Variants in MIER1 observed in about 807,000 individuals in gnomAD.
MIER1 encodes mesoderm induction early response protein 1.
A neutral mutation model predicts 75.7 loss-of-function variants in MIER1; 40 were observed. The ratio of observed to expected loss-of-function variants is 0.53; its 90% CI spans 0.41 to 0.69. MIER1 has a LOEUF of 0.69. MIER1 is among the 30% of genes least tolerant of loss of function. The pLI is 0.00. For synonymous variants in MIER1, 213 were observed against 223.4 expected (o/e 0.95, Z 0.42); for missense variants, 574 against 680.2 (o/e 0.84, Z 1.74).
In MIER1 at chr1:66,986,059, G is replaced by A. The variant is rs760176189; in HGVS notation, c.*1159G>A. The A allele has an allele frequency of 1.5e-3, 1,476 of 1,015,698 alleles. 1 individual carries two copies. Among genetic ancestry groups the A allele is most frequent in the Non-Finnish European group, 1.7e-3 (1,435 of 850,268 alleles). 62.9% of individuals were successfully genotyped at this position (1,015,698 alleles called of 1,614,324 possible). A position where few individuals can be genotyped will look rare whatever the true frequency, so the allele number is the denominator to read the frequency against. ...TTTCTGCATTAAATAAACAGAGGAG[G>A]GGGGTCAAGTGATACTTAGATATTG... On this transcript the variant is annotated 3_prime_UTR_variant, in exon 14 of 14. Transcript: ENST00000401041.
intron 2 of MIER1, chr1:66,930,171 G>A (rs1318327386): frequency 7.0e-6 from 9 of 1,289,970 alleles, no homozygotes; most frequent in Non-Finnish European, 8.9e-6. Flanking sequence ...GTGCTCGCTG[G>A]TCTTTTCCCT....
chr1:66,986,684 C>A lies in MIER1; in HGVS notation c.*1784C>A. ...ACTTGACTTCATCTTAATGTACATT[C>A]ACTGTTGTTACATACATATCTAAGT... On this transcript the variant is annotated 3_prime_UTR_variant, in exon 14 of 14. Coordinates refer to ENST00000401041, the MANE Select transcript of MIER1 (RefSeq NM_001077700.3). 1 of 494,472 alleles carries A rather than the reference C, an allele frequency of 2.0e-6. No homozygotes were observed. Among genetic ancestry groups the A allele is most frequent in the Non-Finnish European group, 3.6e-6 (1 of 278,130 alleles). 30.6% of individuals were successfully genotyped at this position (494,472 alleles called of 1,614,324 possible).
chr1:66,948,115 G>C, intron 4 of MIER1: 1 of 916,520 alleles, frequency 1.1e-6, no homozygotes, highest in Non-Finnish European at 1.3e-6. Context: ...GTTTTGAGAA[G>C]ATGAAATAAA....
intron 7 of MIER1, among the ~76,000 whole-genome samples, chr1:66,961,917 T>C (rs1345692110): frequency 2.0e-5 from 3 of 152,268 alleles, no homozygotes; most frequent in Admixed American, 2.0e-4. Flanking sequence ...GAAATAACTT[T>C]ATTACATAAA....
At chr1:66,959,798 G>A (rs1030604556) in intron 7 of MIER1, 55 bp downstream of exon 7, 25 of 839,014 alleles carry the variant, frequency 3.0e-5, no homozygotes, top group Non-Finnish European at 4.3e-5. Flanking sequence ...TTTTTAAAAA[G>A]CCTCGTGTAA....
At position 66,978,571 on chromosome 1, in the gene MIER1, C is replaced by G. The variant is rs935917466; in HGVS notation, c.1229+1849C>G. On this transcript the variant is annotated intron_variant, in intron 12 of 13. Transcript: ENST00000401041. ...AATAATATAGAATTAGATACAGCAT[C>G]TAGTCTGCAGATATATCTTAAAATA... Among the ~76,000 whole-genome samples the G allele has an allele frequency of 2.0e-5, 3 of 152,090 alleles. No individual in the cohort carries two copies. The East Asian group carries it at 5.8e-4, about 29-fold the overall frequency.
intron 2 of MIER1, among the ~76,000 whole-genome samples, chr1:66,930,793 C>T (rs894843075): frequency 1.3e-5 from 2 of 152,170 alleles, no homozygotes; most frequent in Non-Finnish European, 1.5e-5. Flanking sequence ...CTGTTGCGCC[C>T]TTCCGCGTCA....
chr1:66,961,181 T>C (rs996084917), intron 7 of MIER1, among the ~76,000 whole-genome samples: 15 of 152,324 alleles, frequency 9.8e-5, no homozygotes, highest in Non-Finnish European at 2.1e-4. Flanking sequence ...GATTTTGTTG[T>C]TTTAAATAAT....
At chr1:66,973,454 T>C in intron 11 of MIER1, among the ~76,000 whole-genome samples, 1 of 152,080 alleles carries the variant, frequency 6.6e-6, no homozygotes, top group East Asian at 1.9e-4. Context: ...TTAGTCAACA[T>C]TTAATTTTCT....
intron 13 of MIER1, among the ~76,000 whole-genome samples, chr1:66,984,017 C>T (rs1346817324): frequency 6.6e-6 from 1 of 152,232 alleles, no homozygotes; most frequent in East Asian, 1.9e-4. Context: ...AGCCACTGCA[C>T]CCAGCCTTGT....
chr1:66,927,065 T>G (rs914836723), intron 2 of MIER1, among the ~76,000 whole-genome samples: 1 of 152,204 alleles, frequency 6.6e-6, no homozygotes, highest in Non-Finnish European at 1.5e-5. Flanking sequence ...TGCTCCTAAA[T>G]GCTTTTGTTA....
intron 4 of MIER1, among the ~76,000 whole-genome samples, chr1:66,954,995 C>T (rs3008872): frequency 0.08 from 12,239 of 152,240 alleles, 648 homozygotes; most frequent in African/African-American, 0.15. Context: ...AGGCGTGAGC[C>T]ACTGCGCTTG....
intron 2 of MIER1, chr1:66,930,161 G>T (rs1652762725): frequency 8.0e-7 from 1 of 1,247,416 alleles, no homozygotes; most frequent in South Asian, 2.6e-5. Context: ...GCTCCGGCGC[G>T]TGCTCGCTGG....
Position 66,970,966 on chromosome 1 carries a change from GA to G in MIER1, c.924+10del, listed in dbSNP as rs764200487. 1.3e-5 allele frequency: 20 copies of G among 1,569,970 alleles called. No homozygotes were observed. Among genetic ancestry groups the G allele is most frequent in the Non-Finnish European group, 1.7e-5 (20 of 1,167,024 alleles). On this transcript the variant is annotated splice_region_variant and intron_variant, in intron 9 of 13. Transcript: ENST00000401041. The stretch of plus-strand genomic sequence containing the variant: ...CATAAAAGACAATGAACAGGTCTGT[GA>G]AAGAAACAACTGTTAGAACTTTGCC...
At chr1:66,953,596 C>CTTTTTT (rs56012776) in intron 4 of MIER1, among the ~76,000 whole-genome samples, 4 of 134,672 alleles carry the variant, frequency 3.0e-5, no homozygotes, top group African/African-American at 1.1e-4. Flanking sequence ...TTTTCTTTTC[C>CTTTTTT]TTTTTTTTTT....
chr1:66,974,834 A>T (rs944858805), intron 11 of MIER1, among the ~76,000 whole-genome samples: 2 of 152,176 alleles, frequency 1.3e-5, no homozygotes, highest in African/African-American at 4.8e-5. Flanking sequence ...TAAAGTTCAG[A>T]TCTTAATCAT....
chr1:66,969,389 C>A (rs1475553569), intron 8 of MIER1, among the ~76,000 whole-genome samples: 2 of 151,464 alleles, frequency 1.3e-5, no homozygotes, highest in Non-Finnish European at 2.9e-5. Flanking sequence ...CTAAAAAATA[C>A]AAAAACCTAG....
intron 1 of MIER1, 163 bp downstream of exon 1, chr1:66,925,258 T>G (rs1429795310): frequency 2.0e-6 from 2 of 983,620 alleles, no homozygotes. Flanking sequence ...AGAACGCGCC[T>G]GGCTTGCTCT....
At chr1:66,945,180 GA>G (rs1657204663) in intron 3 of MIER1, among the ~76,000 whole-genome samples, 2 of 151,330 alleles carry the variant, frequency 1.3e-5, no homozygotes, top group Middle Eastern at 6.4e-3. Context: ...CAAAATCGTG[GA>G]TGCTCAAATC....
Sources: allele counts gnomAD v4.1 joint callset (sites outside exome capture counted in the v4.1 genomes callset), GRCh38; gene constraint gnomAD v4.1.1; transcripts MANE v1.5; gene names NCBI Gene and HGNC (gene_info 2026-07-23, HGNC 2026-07-21).